UNG: variants seen among roughly 807,000 people sequenced by gnomAD.
UNG encodes uracil-DNA glycosylase.
UNG carries 34 observed loss-of-function variants against 36.5 expected under a neutral mutation model. The observed-to-expected ratio is 0.93, with a 90% CI of 0.71 to 1.24. UNG has a LOEUF of 1.24. Ranked by LOEUF, UNG falls within the 50% of genes most tolerant of loss-of-function variation. The probability of loss-of-function intolerance (pLI) is 0.00; values close to 1 mark genes in which losing one functional copy is unlikely to be tolerated. For missense variants in UNG, 391 were observed against 397.6 expected, an observed-to-expected ratio of 0.98 and a Z score of 0.14; for synonymous variants, 172 against 157.8, an observed-to-expected ratio of 1.09 and a Z score of -0.67.
intron 3 of UNG, among the ~76,000 whole-genome samples, chr12:109,099,516 T>C (rs1236136656): frequency 6.6e-6 from 1 of 152,224 alleles, no homozygotes; most frequent in African/African-American, 2.4e-5. Flanking sequence ...TTATTTCTTG[T>C]ATTTTTTTTA....
chr12:109,097,983 G>T, intron 1 of UNG, 172 bp downstream of exon 1: 6 of 1,259,830 alleles, frequency 4.8e-6, no homozygotes, highest in Non-Finnish European at 6.3e-6. Flanking sequence ...GGGCCGCCAT[G>T]CTAAAGGGCC....
At position 109,109,998 on chromosome 12, in the gene UNG, G is replaced by A; in HGVS notation, c.*29G>A. On this transcript the variant is annotated 3_prime_UTR_variant, in exon 7 of 7. Coordinates refer to ENST00000242576, the MANE Select transcript of UNG (RefSeq NM_080911.3). ...TCAGCTGAGGGGTGGCCTTTGAGAA[G>A]CTGCTGTTAACGTATTTGCCAGTTA... 3.7e-6 allele frequency: 6 copies of A among 1,613,970 alleles called. No homozygotes were observed. The highest frequency in any genetic ancestry group is 5.1e-6 in the Non-Finnish European group (6 of 1,179,974).
At chr12:109,103,136 A>G (rs1288281712) in intron 5 of UNG, among the ~76,000 whole-genome samples, 1 of 151,938 alleles carries the variant, frequency 6.6e-6, no homozygotes, top group Non-Finnish European at 1.5e-5. Flanking sequence ...ATGTATTTTT[A>G]GTAGAGACAG....
intron 1 of UNG, 181 bp downstream of exon 1, chr12:109,097,992 C>T: frequency 1.6e-6 from 2 of 1,256,272 alleles, no homozygotes; most frequent in East Asian, 2.7e-5. Context: ...TGCTAAAGGG[C>T]CAGCCAATGG....
At chr12:109,108,715 C>T (rs994140912) in intron 6 of UNG, among the ~76,000 whole-genome samples, 2 of 152,182 alleles carry the variant, frequency 1.3e-5, no homozygotes, top group Admixed American at 6.5e-5. Context: ...TTTGCAGCCT[C>T]GAACTCCTGG....
rs1236310377 is a variant in UNG at position 109,097,697 on chromosome 12, G to T, written c.18G>T (p.Thr6=). Residue 6 remains threonine (T), a synonymous_variant, in exon 1 of 7, where the codon ACG becomes ACT. Coordinates refer to ENST00000242576, the MANE Select transcript of UNG (RefSeq NM_080911.3). The part of the protein sequence containing the change: MIGQK[T]LYSFFSPSPA... ...GCTCCAGGATGATCGGCCAGAAGAC[G>T]CTCTACTCCTTTTTCTCCCCCAGCC... is the stretch of plus-strand genomic sequence containing the variant. 1 of 1,603,192 alleles carries T rather than the reference G, an allele frequency of 6.2e-7. No homozygotes were observed. Among genetic ancestry groups the T allele is most frequent in the South Asian group, 1.1e-5 (1 of 89,736 alleles).
intron 6 of UNG, among the ~76,000 whole-genome samples, chr12:109,109,163 C>A (rs529264744): frequency 6.6e-6 from 1 of 152,210 alleles, no homozygotes; most frequent in African/African-American, 2.4e-5. Context: ...TTAACCCCAT[C>A]CATTGTGTTA....
intron 4 of UNG, 50 bp downstream of exon 4, chr12:109,102,049 T>C (rs117065901): frequency 1.0e-5 from 16 of 1,532,990 alleles, no homozygotes; most frequent in Non-Finnish European, 1.4e-5. Flanking sequence ...TCCTTTCAGA[T>C]GTGTACTTAG....
intron 3 of UNG, 175 bp downstream of exon 3, chr12:109,099,459 C>T: frequency 1.6e-6 from 1 of 634,680 alleles, no homozygotes; most frequent in South Asian, 1.8e-5. Flanking sequence ...ATGTTTACCA[C>T]GTGGTATTTA....
rs1555265461 is a variant in UNG at position 109,109,781 on chromosome 12, A to AAAAT, written c.802-48_802-47insAAAT. 0.035 allele frequency: 53,448 copies of AAAAT among 1,521,184 alleles called. 1,012 individuals are homozygous for AAAAT. The highest frequency in any genetic ancestry group is 0.19 in the East Asian group (7,244 of 38,188). The allele number at this position is 1,521,184 out of a possible 1,614,324, so 94.2% of individuals were successfully genotyped here. ...TCTGTCTCAAAAAAAAAAAAAAAAA[A>AAAAT]TTTAAAAAGTCCCAAATCTGCCACC... is the stretch of plus-strand genomic sequence containing the variant. On this transcript the variant is annotated intron_variant, in intron 6 of 6. Coordinates refer to ENST00000242576, the MANE Select transcript of UNG (RefSeq NM_080911.3).
intron 1 of UNG, 56 bp downstream of exon 1, chr12:109,097,867 C>T: frequency 1.4e-6 from 2 of 1,462,150 alleles, no homozygotes; most frequent in Non-Finnish European, 1.8e-6. Context: ...GGCGGTGGGC[C>T]CCGCCTGACG....
intron 6 of UNG, among the ~76,000 whole-genome samples, chr12:109,104,271 ACTC>A (rs1434915031): frequency 6.7e-6 from 1 of 148,968 alleles, no homozygotes; most frequent in East Asian, 2.0e-4. Context: ...CTGGTTTTGA[ACTC>A]CTGACCTCAA....
intron 3 of UNG, among the ~76,000 whole-genome samples, chr12:109,101,120 T>C (rs1417383400): frequency 1.5e-5 from 2 of 136,270 alleles, no homozygotes; most frequent in Non-Finnish European, 3.2e-5. Flanking sequence ...TTTTTTTTTT[T>C]TTTTTTTTTT....
Position 109,097,735 on chromosome 12 carries a change from G to A in UNG, c.56G>A (p.Arg19Gln). ...SFFSPSPARK[R>Q]HAPSPEPAVQ... ...TTCTCCCCCAGCCCCGCCAGGAAGC[G>A]ACACGCCCCCAGCCCCGAGCCGGCC... is the stretch of plus-strand genomic sequence containing the variant. Residue 19 changes from arginine to glutamine, a missense_variant, in exon 1 of 7, where the codon CGA becomes CAA. Arg to Gln is a conservative substitution (Grantham distance 43). Coordinates refer to ENST00000242576, the MANE Select transcript of UNG (RefSeq NM_080911.3). 6.3e-7 allele frequency: 1 copy of A among 1,585,430 alleles called. No homozygotes were observed. The highest frequency in any genetic ancestry group is 8.6e-7 in the Non-Finnish European group (1 of 1,166,300).
chr12:109,103,060 T>A (rs2042190396), intron 5 of UNG, 133 bp downstream of exon 5: 4 of 720,808 alleles, frequency 5.5e-6, no homozygotes, highest in Non-Finnish European at 9.6e-6. Flanking sequence ...CAGGCGATTC[T>A]CATGCCTCAG....
intron 1 of UNG, 171 bp from the exon 2 acceptor site, chr12:109,098,261 C>T: frequency 6.6e-7 from 1 of 1,519,558 alleles, no homozygotes; most frequent in Non-Finnish European, 8.8e-7. Context: ...AACCTAATTC[C>T]CAATTCCCGG....
At chr12:109,108,125 TTTAGAA>T (rs1346517068) in intron 6 of UNG, among the ~76,000 whole-genome samples, 4 of 152,250 alleles carry the variant, frequency 2.6e-5, no homozygotes, top group Non-Finnish European at 5.9e-5. Context: ...TTGTAAGAAC[TTTAGAA>T]AAATACATTT....
rs1360384173 is a variant in UNG at position 109,097,639 on chromosome 12, G to T, written c.-41G>T. ...GCCACAGCCAGGGCTAGCCTCGCCGGTTCCCGGGTGGCGCGCGTTCGCTGC... is the reference window on the plus strand; with the variant it reads ...GCCACAGCCAGGGCTAGCCTCGCCGTTTCCCGGGTGGCGCGCGTTCGCTGC... On this transcript the variant is annotated 5_prime_UTR_variant, in exon 1 of 7. Transcript: ENST00000242576. 8 of 1,595,332 alleles carry T rather than the reference G, an allele frequency of 5.0e-6. No homozygotes were observed. The highest frequency in any genetic ancestry group is 6.8e-6 in the Non-Finnish European group (8 of 1,170,930).
Position 109,110,718 on chromosome 12 carries a change from G to A in UNG, c.*749G>A, listed in dbSNP as rs2042255605. 1 of 152,234 alleles carries A rather than the reference G, an allele frequency of 6.6e-6. No homozygotes were observed. Among genetic ancestry groups the A allele is most frequent in the African/African-American group, 2.4e-5 (1 of 41,388 alleles). 9.4% of individuals were successfully genotyped at this position (152,234 alleles called of 1,614,324 possible). ...TCTCCTAGGGTTATGTCCAGTTGGG[G>A]TTTTTAAGGCAGCACAGACTGCCAA... On this transcript the variant is annotated 3_prime_UTR_variant, in exon 7 of 7. Coordinates refer to ENST00000242576, the MANE Select transcript of UNG (RefSeq NM_080911.3).
Sources: allele counts gnomAD v4.1 joint callset (sites outside exome capture counted in the v4.1 genomes callset), GRCh38; gene constraint gnomAD v4.1.1; transcripts MANE v1.5; gene names NCBI Gene and HGNC (gene_info 2026-07-23, HGNC 2026-07-21).